Variants in SERGEF observed in about 807,000 individuals in gnomAD.
SERGEF encodes secretion regulating guanine nucleotide exchange factor.
A neutral mutation model predicts 50.0 loss-of-function variants in SERGEF; 51 were observed. The observed-to-expected ratio is 1.02, with a 90% confidence interval of 0.81 to 1.29. SERGEF has a LOEUF of 1.29. Among genes scored for constraint, SERGEF ranks in the 50% most tolerant of loss-of-function variants. The probability of loss-of-function intolerance (pLI) is 0.00; values close to 1 mark genes in which losing one functional copy is unlikely to be tolerated. For missense variants in SERGEF, 521 were observed against 557.0 expected (o/e 0.94, Z 0.65); for synonymous variants, 205 against 212.4 (o/e 0.97, Z 0.30).
At chr11:17,882,820 T>G (rs1401559315) in intron 9 of SERGEF, among the ~76,000 whole-genome samples, 1 of 152,146 alleles carries the variant, frequency 6.6e-6, no homozygotes, top group Non-Finnish European at 1.5e-5. Flanking sequence ...GGATACAGCA[T>G]GAAGATGCTG....
intron 10 of SERGEF, among the ~76,000 whole-genome samples, chr11:17,808,493 G>A (rs1184210150): frequency 6.6e-6 from 1 of 152,108 alleles, no homozygotes; most frequent in Non-Finnish European, 1.5e-5. Flanking sequence ...TATAACCAAG[G>A]AGATGATACA....
rs1350479464 is a variant in SERGEF at position 17,884,193 on chromosome 11, G to A, written c.1012-5949C>T. 6.6e-6 allele frequency among the ~76,000 whole-genome samples: 1 copy of A among 152,228 alleles called. No individual in the cohort carries two copies. Among genetic ancestry groups the A allele is most frequent in the East Asian group, 1.9e-4 (1 of 5,196 alleles). ...GAGCCCGGGCGCCTTCAGGTGCTAT[G>A]GCAACGAGGCGTACGTGCGGAAACA... On this transcript the variant is annotated intron_variant, in intron 9 of 10. Transcript: ENST00000265965. This position sits in a 1 kb window ranked among gnomAD's most constrained non-coding sequence, Gnocchi z 4.6.
chr11:17,982,770 G>C (rs529605900), intron 8 of SERGEF, among the ~76,000 whole-genome samples: 2 of 152,320 alleles, frequency 1.3e-5, no homozygotes, highest in South Asian at 4.1e-4. Flanking sequence ...TGTGACACTT[G>C]AAAGAGTAGC....
rs528732562 is a variant in SERGEF, at chr11:17,826,252, C to T, written c.1049-37839G>A. Among the ~76,000 whole-genome samples the T allele has an allele frequency of 9.8e-5, 15 of 152,292 alleles. 1 individual carries two copies. The highest frequency in any genetic ancestry group is 3.4e-3 in the Middle Eastern group (1 of 294). ...CCCCAAAGCTATGCCAAGCCATATC[C>T]TTTGATATTTCTGAAAGGAATGTAT... On this transcript the variant is annotated intron_variant, in intron 10 of 10. Transcript: ENST00000265965.
intron 9 of SERGEF, among the ~76,000 whole-genome samples, chr11:17,929,555 C>T (rs1043013988): frequency 3.3e-5 from 5 of 152,188 alleles, no homozygotes; most frequent in Non-Finnish European, 7.4e-5. Context: ...GCAAAATGAG[C>T]TTTCAGCATT....
At chr11:17,833,080 G>A (rs1850339731) in intron 10 of SERGEF, among the ~76,000 whole-genome samples, 1 of 152,156 alleles carries the variant, frequency 6.6e-6, no homozygotes. Context: ...CCAAGACAAG[G>A]GGGAAAAATG....
intron 9 of SERGEF, among the ~76,000 whole-genome samples, chr11:17,945,049 C>G (rs1331402967): frequency 1.3e-5 from 2 of 152,194 alleles, no homozygotes; most frequent in African/African-American, 4.8e-5. Context: ...AGTCCTAATT[C>G]TACTGCTCCA....
At chr11:17,931,927 A>G (rs1852359967) in intron 9 of SERGEF, among the ~76,000 whole-genome samples, 1 of 152,202 alleles carries the variant, frequency 6.6e-6, no homozygotes, top group Non-Finnish European at 1.5e-5. Context: ...TCACTGCCCT[A>G]AAGCATCCAA....
chr11:17,876,912 G>A (rs778975733), intron 10 of SERGEF, among the ~76,000 whole-genome samples: 6 of 152,228 alleles, frequency 3.9e-5, no homozygotes, highest in Admixed American at 6.5e-5. Flanking sequence ...TGCAAAGCAT[G>A]CAGGTTTGCT....
At chr11:17,950,524 G>A (rs1852755464) in intron 9 of SERGEF, among the ~76,000 whole-genome samples, 1 of 152,196 alleles carries the variant, frequency 6.6e-6, no homozygotes, top group Admixed American at 6.5e-5. Flanking sequence ...TTGGCAACTG[G>A]TTGTGGGCAA....
intron 10 of SERGEF, 122 bp downstream of exon 10, chr11:17,878,086 C>T: frequency 1.5e-6 from 1 of 680,450 alleles, no homozygotes; most frequent in Admixed American, 3.2e-5. Flanking sequence ...TCCATTTCCC[C>T]CAATCTCCCC....
At chr11:17,819,677 C>T (rs985332136) in intron 10 of SERGEF, among the ~76,000 whole-genome samples, 1 of 152,220 alleles carries the variant, frequency 6.6e-6, no homozygotes, top group Non-Finnish European at 1.5e-5. Flanking sequence ...ATAATACAAA[C>T]CCAGAGAGTC....
In SERGEF at chr11:17,884,695, T is replaced by C. The variant is rs80027688; in HGVS notation, c.1012-6451A>G. Among the ~76,000 whole-genome samples, 3,158 of 152,204 alleles carry C rather than the reference T, an allele frequency of 0.021. 161 individuals carry two copies. Among genetic ancestry groups the C allele is most frequent in the East Asian group, 0.2 (1,043 of 5,152 alleles). On this transcript the variant is annotated intron_variant, in intron 9 of 10. Transcript: ENST00000265965. The surrounding 1 kb of genome is among the most constrained non-coding windows in gnomAD (Gnocchi z 4.6). ...GATATCTTTAACTCTCTCTGTGGGC[T>C]TGAATTTGTATTTTATTTCATATAT... is the stretch of plus-strand genomic sequence containing the variant.
intron 9 of SERGEF, among the ~76,000 whole-genome samples, chr11:17,929,569 A>C (rs2133946356): frequency 6.6e-6 from 1 of 152,340 alleles, no homozygotes; most frequent in East Asian, 1.9e-4. Context: ...CAGCATTGCC[A>C]TTCATTCATT....
At chr11:17,803,853 C>T (rs1196962634) in intron 10 of SERGEF, among the ~76,000 whole-genome samples, 1 of 152,228 alleles carries the variant, frequency 6.6e-6, no homozygotes, top group African/African-American at 2.4e-5. Context: ...TAACATTTGA[C>T]ACAAGTTCTA....
chr11:18,004,376 G>C, intron 4 of SERGEF, 65 bp downstream of exon 4: 1 of 1,176,694 alleles, frequency 8.5e-7, no homozygotes, highest in Non-Finnish European at 1.2e-6. Flanking sequence ...TCTGGGGAGA[G>C]ATAGGTTAAT....
chr11:17,805,199 C>G (rs562903894), intron 10 of SERGEF, among the ~76,000 whole-genome samples: 3 of 152,330 alleles, frequency 2.0e-5, no homozygotes, highest in East Asian at 1.9e-4. Context: ...GACCTGGGCT[C>G]TAAGTCTCAG....
chr11:17,815,823 G>A (rs939653183), intron 10 of SERGEF, among the ~76,000 whole-genome samples: 3 of 152,024 alleles, frequency 2.0e-5, no homozygotes, highest in East Asian at 1.9e-4. Context: ...TCGGGAGGCT[G>A]AGGCAGGAGA....
In SERGEF at chr11:17,896,765, G is replaced by GT. The variant is rs1429346027; in HGVS notation, c.1012-18522_1012-18521insA. The stretch of plus-strand genomic sequence containing the variant: ...AGGGTAACGGAAGGGTAAGGGAAGG[G>GT]AAGGGTAAGGGAAGGGTAAGGGAAG... On this transcript the variant is annotated intron_variant, in intron 9 of 10. Transcript: ENST00000265965. Among the ~76,000 whole-genome samples, 274 of 127,466 alleles carry GT rather than the reference G, an allele frequency of 2.1e-3. 2 individuals carry two copies. Among genetic ancestry groups the GT allele is most frequent in the East Asian group, 5.0e-3 (20 of 4,002 alleles). The allele number at this position is 127,466 out of a possible 152,430, so 83.6% of individuals were successfully genotyped here.
Sources: gnomAD v4.1 joint callset for allele counts (sites outside exome capture counted in the v4.1 genomes callset) on GRCh38, gnomAD v4.1.1 for gene constraint, Gnocchi (gnomAD v3.1) non-coding constraint, MANE v1.5 for transcripts, NCBI Gene and HGNC (gene_info 2026-07-23, HGNC 2026-07-21) for gene names.